The following VPS8 variants were observed in gnomAD, a reference collection of about 807,000 sequenced individuals.
The protein encoded by VPS8 is vacuolar protein sorting-associated protein 8 homolog.
A neutral mutation model predicts 216.4 loss-of-function variants in VPS8; 129 were observed. That is an observed-to-expected ratio of 0.60 (90% CI 0.52 to 0.69). VPS8 has a LOEUF of 0.69. VPS8 is among the 30% of genes least tolerant of loss of function. The pLI is 0.00. For synonymous variants in VPS8, 571 were observed against 565.4 expected, an observed-to-expected ratio of 1.01 and a Z score of -0.14; for missense variants, 1,531 against 1,683.5, an observed-to-expected ratio of 0.91 and a Z score of 1.59.
At chr3:184,997,615 T>C (rs1486232785) in intron 44 of VPS8, among the ~76,000 whole-genome samples, 1 of 152,210 alleles carries the variant, frequency 6.6e-6, no homozygotes, top group African/African-American at 2.4e-5. Flanking sequence ...TTTGCCCTCA[T>C]GGAGTTTACA....
At chr3:184,920,638 A>G (rs1233693932) in intron 29 of VPS8, among the ~76,000 whole-genome samples, 1 of 152,220 alleles carries the variant, frequency 6.6e-6, no homozygotes, top group Non-Finnish European at 1.5e-5. Flanking sequence ...GCACACAGAA[A>G]TGATCATCCC....
chr3:184,824,404 C>A (rs571381796), intron 1 of VPS8, 141 bp from the exon 2 acceptor site: 2 of 509,646 alleles, frequency 3.9e-6, no homozygotes, highest in Admixed American at 3.2e-5. Flanking sequence ...ACCCTGTACC[C>A]CACTGTTAAT....
At chr3:184,825,111 C>A in intron 2 of VPS8, 1 of 255,690 alleles carries the variant, frequency 3.9e-6, no homozygotes, top group Non-Finnish European at 7.9e-6. Context: ...GCCATGTTGC[C>A]CAGGCTGGTC....
At chr3:184,879,704 C>G (rs1729942541) in intron 21 of VPS8, among the ~76,000 whole-genome samples, 1 of 152,152 alleles carries the variant, frequency 6.6e-6, no homozygotes, top group Non-Finnish European at 1.5e-5. Context: ...TGCCAGCTGC[C>G]CAGCTCTGTG....
At chr3:185,049,235 G>T (rs982086539) in intron 47 of VPS8, among the ~76,000 whole-genome samples, 5 of 152,198 alleles carry the variant, frequency 3.3e-5, no homozygotes, top group African/African-American at 9.7e-5. Flanking sequence ...TGTGGAAGAA[G>T]AGTACAGACT....
rs767775301 is a variant in VPS8 at position 184,915,430 on chromosome 3, T to C, written c.2338T>C (p.Leu780=). Residue 780 remains leucine, a synonymous_variant, in exon 28 of 48, where the codon TTG becomes CTG. Coordinates refer to ENST00000625842, the MANE Select transcript of VPS8 (RefSeq NM_001009921.3). ...EEEIYPYIRT[L]LHFDTREFLN... ...AGAAATCTATCCTTACATTCGGACT[T>C]TGCTACATTTTGACACAAGAGAATT... The C allele has an allele frequency of 6.2e-7, 1 of 1,613,892 alleles. No individual in the cohort carries two copies. The highest frequency in any genetic ancestry group is 1.1e-5 in the South Asian group (1 of 91,082).
Position 185,052,330 on chromosome 3 carries a change from C to T in VPS8, c.*305C>T, listed in dbSNP as rs1314581461. ...TACATTTCGCCTATTGCGACTTTTT[C>T]CATTTACCCTGAAGCCTAGAAAGTA... On this transcript the variant is annotated 3_prime_UTR_variant, in exon 48 of 48. Transcript: ENST00000625842. 1.3e-5 allele frequency: 3 copies of T among 234,790 alleles called. No individual in the cohort carries two copies. The highest frequency in any genetic ancestry group is 2.5e-5 in the Non-Finnish European group (3 of 121,662). 14.5% of individuals were successfully genotyped at this position (234,790 alleles called of 1,614,324 possible). A position where few individuals can be genotyped will look rare whatever the true frequency, so the allele number is the denominator to read the frequency against.
chr3:184,816,690 C>T (rs759508793), intron 1 of VPS8, among the ~76,000 whole-genome samples: 3 of 152,158 alleles, frequency 2.0e-5, no homozygotes, highest in African/African-American at 4.8e-5. Flanking sequence ...GACTGACAAG[C>T]GGTGGGTCTC....
chr3:184,940,187 T>C lies in VPS8; in HGVS notation c.2989-10T>C. Reference sequence around the variant, plus strand: ...TATTTAATTGTAATTTTTATTGTTTTTCTGTTCAGAACCAGGTTTTGCTTT... The same window carrying C: ...TATTTAATTGTAATTTTTATTGTTTCTCTGTTCAGAACCAGGTTTTGCTTT... On this transcript the variant is annotated splice_polypyrimidine_tract_variant and intron_variant, in intron 35 of 47. Transcript: ENST00000625842. 6.8e-7 allele frequency: 1 copy of C among 1,476,464 alleles called. No homozygotes were observed. The highest frequency in any genetic ancestry group is 9.1e-7 in the Non-Finnish European group (1 of 1,102,422). The allele number at this position is 1,476,464 out of a possible 1,614,324, so 91.5% of individuals were successfully genotyped here.
chr3:184,841,414 ATGGC>A (rs2108600355), intron 7 of VPS8, among the ~76,000 whole-genome samples: 1 of 152,268 alleles, frequency 6.6e-6, no homozygotes, highest in South Asian at 2.1e-4. Context: ...ATCATTTTTA[ATGGC>A]TATATAGTAT....
intron 40 of VPS8, 75 bp downstream of exon 40, chr3:184,971,827 C>A: frequency 7.9e-7 from 1 of 1,267,292 alleles, no homozygotes. Flanking sequence ...GTAATCCCAG[C>A]ACTTTGGGAG....
intron 46 of VPS8, among the ~76,000 whole-genome samples, chr3:185,045,963 A>T (rs1712802534): frequency 6.6e-6 from 1 of 152,076 alleles, no homozygotes; most frequent in African/African-American, 2.4e-5. Flanking sequence ...TTTCCACAGG[A>T]TTTCCTTTAA....
chr3:184,869,528 G>C lies in VPS8; in HGVS notation c.1644G>C (p.Arg548=), dbSNP rs1727962030. The change falls in exon 20 of 48, where the codon CGG becomes CGC. Residue 548 remains arginine, a splice_region_variant and synonymous_variant. Coordinates refer to ENST00000625842, the MANE Select transcript of VPS8 (RefSeq NM_001009921.3). ...ASKRKAIVAD[R]MVEILFHYAD... ...AGCGAAAGGCTATTGTTGCAGACCGGGTGAGTATTTTAAGAGGGTCTTTAC... is the reference window on the plus strand; with the variant it reads ...AGCGAAAGGCTATTGTTGCAGACCGCGTGAGTATTTTAAGAGGGTCTTTAC... 5 of 1,613,176 alleles carry C rather than the reference G, an allele frequency of 3.1e-6. No individual in the cohort carries two copies. The East Asian group carries it at 1.1e-4, about 36-fold the overall frequency.
At chr3:184,961,886 C>T (rs1288341735) in intron 37 of VPS8, among the ~76,000 whole-genome samples, 2 of 152,016 alleles carry the variant, frequency 1.3e-5, no homozygotes, top group Admixed American at 6.5e-5. Flanking sequence ...CCTACCTCAG[C>T]CTCCCAAGTT....
At position 185,052,145 on chromosome 3, in the gene VPS8, A is replaced by C; in HGVS notation, c.*120A>C. On this transcript the variant is annotated 3_prime_UTR_variant, in exon 48 of 48. Coordinates refer to ENST00000625842, the MANE Select transcript of VPS8 (RefSeq NM_001009921.3). Reference sequence around the variant, plus strand: ...CCACGCTTCTGAGAAGAGGTTCCAAATTGGGCTTCTGTGCCCAGAGCGTCC... The same window carrying C: ...CCACGCTTCTGAGAAGAGGTTCCAACTTGGGCTTCTGTGCCCAGAGCGTCC... 8.2e-7 allele frequency: 1 copy of C among 1,223,862 alleles called. No homozygotes were observed. Among genetic ancestry groups the C allele is most frequent in the Non-Finnish European group, 1.1e-6 (1 of 910,696 alleles). The allele number at this position is 1,223,862 out of a possible 1,614,324, so 75.8% of individuals were successfully genotyped here.
chr3:185,019,778 G>A (rs541682085), intron 45 of VPS8, among the ~76,000 whole-genome samples: 1 of 152,212 alleles, frequency 6.6e-6, no homozygotes, highest in Non-Finnish European at 1.5e-5. Flanking sequence ...GGGCCAGTTT[G>A]TGGCCAGATT....
intron 37 of VPS8, among the ~76,000 whole-genome samples, chr3:184,960,187 C>T (rs886767757): frequency 6.6e-6 from 1 of 152,156 alleles, no homozygotes; most frequent in Non-Finnish European, 1.5e-5. Context: ...ATTATGGCTG[C>T]ATTGTATTCC....
Position 184,983,147 on chromosome 3 carries a change from A to G in VPS8, c.3585+53A>G, listed in dbSNP as rs972341540. 24 of 1,418,708 alleles carry G rather than the reference A, an allele frequency of 1.7e-5. No homozygotes were observed. The East Asian group carries it at 5.3e-4, about 32-fold the overall frequency. The allele number at this position is 1,418,708 out of a possible 1,614,324, so 87.9% of individuals were successfully genotyped here. A position where few individuals can be genotyped will look rare whatever the true frequency, so the allele number is the denominator to read the frequency against. On this transcript the variant is annotated intron_variant, in intron 42 of 47. Transcript: ENST00000625842. ...ATTGATTTCAACTAACATTTTAGTT[A>G]TATATAAATAACAGTGAATTGGGCT...
chr3:185,036,111 G>T (rs1758839400), intron 46 of VPS8, among the ~76,000 whole-genome samples: 1 of 152,164 alleles, frequency 6.6e-6, no homozygotes, highest in Non-Finnish European at 1.5e-5. Context: ...AGAAATCGGA[G>T]ATGACACAAA....
Sources: allele counts gnomAD v4.1 joint callset (sites outside exome capture counted in the v4.1 genomes callset), GRCh38; gene constraint gnomAD v4.1.1; transcripts MANE v1.5; gene names NCBI Gene and HGNC (gene_info 2026-07-23, HGNC 2026-07-21).